The following PID1 variants were observed in gnomAD, a reference collection of about 807,000 sequenced individuals.
The protein encoded by PID1 is phosphotyrosine interaction domain containing 1.
PID1 carries 10 observed loss-of-function variants against 19.1 expected under a neutral mutation model. That is an observed-to-expected ratio of 0.52 (90% CI 0.32 to 0.89). The LOEUF (loss-of-function observed/expected upper bound fraction) is 0.89. Ranked by LOEUF, PID1 falls within the 40% of genes least tolerant of loss-of-function variation. The pLI, the probability that PID1 is intolerant of heterozygous loss-of-function variation, is 0.03. For synonymous variants in PID1, 130 were observed against 116.0 expected (o/e 1.12, Z -0.78); for missense variants, 248 against 285.3 (o/e 0.87, Z 0.94).
chr2:229,139,034 A>AGCGAGCAAGCTTCCCTT, intron 2 of PID1, among the ~76,000 whole-genome samples: 1 of 68,316 alleles, frequency 1.5e-5, no homozygotes, highest in African/African-American at 5.2e-5. Context: ...AAAGAAAGAA[A>AGCGAGCAAGCTTCCCTT]GAAAGAGAAA....
At chr2:229,031,042 C>T (rs569405743) in intron 2 of PID1, among the ~76,000 whole-genome samples, 1 of 150,418 alleles carries the variant, frequency 6.6e-6, no homozygotes, top group South Asian at 2.1e-4. Context: ...ATGGTGAAAC[C>T]CCATCTCTTC....
intron 1 of PID1, among the ~76,000 whole-genome samples, chr2:229,230,254 G>C (rs532755984): frequency 5.6e-4 from 85 of 152,316 alleles, no homozygotes; most frequent in Non-Finnish European, 1.0e-3. Context: ...GGTGCCAAAA[G>C]CAGATACCAT....
At chr2:229,051,792 G>C (rs1694001642) in intron 2 of PID1, among the ~76,000 whole-genome samples, 1 of 152,196 alleles carries the variant, frequency 6.6e-6, no homozygotes, top group African/African-American at 2.4e-5. Context: ...TTGTGCCCCA[G>C]CTTGTCAGTC....
chr2:229,134,032 G>A (rs1689803619), intron 2 of PID1, among the ~76,000 whole-genome samples: 1 of 151,948 alleles, frequency 6.6e-6, no homozygotes, highest in Non-Finnish European at 1.5e-5. Flanking sequence ...CTAGAAGCTA[G>A]TATCACTTCC....
chr2:229,128,630 A>G (rs1273921326), intron 2 of PID1, among the ~76,000 whole-genome samples: 1 of 152,218 alleles, frequency 6.6e-6, no homozygotes, highest in Non-Finnish European at 1.5e-5. Context: ...TCTTCATTCC[A>G]ATTTATTTTT....
chr2:229,113,414 A>T (rs1030544859), intron 2 of PID1, among the ~76,000 whole-genome samples: 17 of 138,850 alleles, frequency 1.2e-4, no homozygotes, highest in Non-Finnish European at 2.7e-4. Flanking sequence ...ATATATTTAT[A>T]TATATATACA....
At chr2:229,192,410 T>A (rs940060509) in intron 1 of PID1, among the ~76,000 whole-genome samples, 7 of 152,210 alleles carry the variant, frequency 4.6e-5, no homozygotes, top group Non-Finnish European at 7.3e-5. Flanking sequence ...AGTATCCGGA[T>A]AAATTGTACT....
chr2:229,168,718 T>C (rs1327016892), intron 1 of PID1, among the ~76,000 whole-genome samples: 1 of 138,980 alleles, frequency 7.2e-6, no homozygotes, highest in East Asian at 2.1e-4. Flanking sequence ...ATAATTTTTT[T>C]TCCTTGTTTC....
intron 2 of PID1, among the ~76,000 whole-genome samples, chr2:229,122,813 T>C (rs949528978): frequency 7.2e-5 from 11 of 152,104 alleles, no homozygotes; most frequent in Non-Finnish European, 1.0e-4. Context: ...TGGTGTGGAA[T>C]GGAGGCAGGG....
chr2:229,114,151 T>TTC lies in PID1; in HGVS notation c.177+41665_177+41666dup, dbSNP rs1183310607. ...TCTCTCTCTTTCTCTCTCTCTCTCTTTCTCTCTCTCTCTCTCCACACAAAC... is the reference window on the plus strand; with the variant it reads ...TCTCTCTCTTTCTCTCTCTCTCTCTTTCTCTCTCTCTCTCTCTCCACACAAAC... On this transcript the variant is annotated intron_variant, in intron 2 of 2. Coordinates refer to ENST00000392055, the MANE Select transcript of PID1 (RefSeq NM_001100818.2). Among the ~76,000 whole-genome samples the TTC allele has an allele frequency of 1.4e-4, 18 of 127,268 alleles. No individual in the cohort carries two copies. In the South Asian group the frequency reaches 2.9e-3, roughly 20 times the overall value. The allele number at this position is 127,268 out of a possible 152,430, so 83.5% of individuals were successfully genotyped here. A position where few individuals can be genotyped will look rare whatever the true frequency, so the allele number is the denominator to read the frequency against.
chr2:229,195,554 C>A (rs1054035357), intron 1 of PID1, among the ~76,000 whole-genome samples: 4 of 151,850 alleles, frequency 2.6e-5, no homozygotes, highest in African/African-American at 9.7e-5. Context: ...TAATTTTTAG[C>A]TCAGTGATAG....
At chr2:229,259,010 A>C (rs1690383948) in intron 1 of PID1, among the ~76,000 whole-genome samples, 1 of 151,780 alleles carries the variant, frequency 6.6e-6, no homozygotes, top group African/African-American at 2.4e-5. Context: ...GTAGCGTATG[A>C]AAGTTCCTGT....
chr2:229,145,241 T>G (rs1255220189), intron 2 of PID1, among the ~76,000 whole-genome samples: 1 of 149,720 alleles, frequency 6.7e-6, no homozygotes, highest in Non-Finnish European at 1.5e-5. Context: ...GTATCATATT[T>G]GTATAAACCA....
chr2:229,053,598 C>T (rs930044364), intron 2 of PID1, among the ~76,000 whole-genome samples: 1 of 152,234 alleles, frequency 6.6e-6, no homozygotes, highest in African/African-American at 2.4e-5. Context: ...GGAACAGCCT[C>T]AGTTTCCCTC....
chr2:229,218,712 AAAG>A (rs1691901679), intron 1 of PID1, among the ~76,000 whole-genome samples: 1 of 152,182 alleles, frequency 6.6e-6, no homozygotes, highest in Non-Finnish European at 1.5e-5. Context: ...TTTAGGGAAG[AAAG>A]AAGGAGTGGA....
chr2:229,139,474 C>G (rs1033181196), intron 2 of PID1, among the ~76,000 whole-genome samples: 1 of 152,184 alleles, frequency 6.6e-6, no homozygotes, highest in Middle Eastern at 3.2e-3. Context: ...ATCTTAGCAT[C>G]TTTATCCTCT....
At chr2:229,242,724 T>G (rs1689901651) in intron 1 of PID1, among the ~76,000 whole-genome samples, 1 of 152,122 alleles carries the variant, frequency 6.6e-6, no homozygotes, top group Non-Finnish European at 1.5e-5. Context: ...AGAATCATCT[T>G]AAAACCAATC....
chr2:229,064,680 C>G (rs1264668193), intron 2 of PID1, among the ~76,000 whole-genome samples: 3 of 152,152 alleles, frequency 2.0e-5, no homozygotes, highest in African/African-American at 7.2e-5. Context: ...CACACTGCAA[C>G]TGCCCACTAC....
intron 2 of PID1, among the ~76,000 whole-genome samples, chr2:229,073,680 A>T (rs1395963209): frequency 6.6e-6 from 1 of 152,216 alleles, no homozygotes; most frequent in East Asian, 1.9e-4. Context: ...ATCAGTAAAC[A>T]TTATTACAGA....
Sources: allele counts gnomAD v4.1 joint callset (sites outside exome capture counted in the v4.1 genomes callset), GRCh38; gene constraint gnomAD v4.1.1; transcripts MANE v1.5; gene names NCBI Gene and HGNC (gene_info 2026-07-23, HGNC 2026-07-21).